The following ADGRL3 variants were observed in gnomAD, a reference collection of about 807,000 sequenced individuals.
The protein encoded by ADGRL3 is adhesion G protein-coupled receptor L3, also known as calcium-independent alpha-latrotoxin receptor 3.
ADGRL3 carries 62 observed loss-of-function variants against 153.5 expected under a neutral mutation model. The observed-to-expected ratio is 0.40, with a 90% CI of 0.33 to 0.50. The LOEUF is 0.50. Ranked by LOEUF, ADGRL3 falls within the 20% of genes least tolerant of loss-of-function variation. The pLI is 0.47. For synonymous variants in ADGRL3, 710 were observed against 672.5 expected, an observed-to-expected ratio of 1.06 and a Z score of -0.86; for missense variants, 1,641 against 1,859.4, an observed-to-expected ratio of 0.88 and a Z score of 2.16.
rs1009323853 is a variant in ADGRL3, at chr4:61,856,253, G to A, written c.1481-36403G>A. On this transcript the variant is annotated intron_variant, in intron 9 of 26. Transcript: ENST00000683033. ...AAATTTCAAGGAACTGTTTATGTCT[G>A]TGAATTTTTCTTTATTTCTTTCTTT... Among the ~76,000 whole-genome samples, 7 of 151,904 alleles carry A rather than the reference G, an allele frequency of 4.6e-5. No homozygotes were observed. In the East Asian group the frequency reaches 1.4e-3, roughly 29 times the overall value.
At chr4:61,635,511 C>A (rs1159535481) in intron 5 of ADGRL3, among the ~76,000 whole-genome samples, 1 of 152,104 alleles carries the variant, frequency 6.6e-6, no homozygotes, top group Non-Finnish European at 1.5e-5. Flanking sequence ...ACCTCTCATG[C>A]ATCCGAGGAC....
At chr4:61,215,615 G>T (rs186685476) in intron 1 of ADGRL3, among the ~76,000 whole-genome samples, 2 of 128,456 alleles carry the variant, frequency 1.6e-5, no homozygotes, top group Non-Finnish European at 3.1e-5. Flanking sequence ...GCAGTGGCCC[G>T]ATCTCGGCTC....
At chr4:61,538,469 C>T (rs2098670556) in intron 4 of ADGRL3, among the ~76,000 whole-genome samples, 1 of 151,924 alleles carries the variant, frequency 6.6e-6, no homozygotes, top group South Asian at 2.1e-4. Context: ...GATGGAGTTT[C>T]GATCTTGTTG....
intron 8 of ADGRL3, among the ~76,000 whole-genome samples, chr4:61,739,960 A>G (rs1001947299): frequency 6.6e-6 from 1 of 152,236 alleles, no homozygotes; most frequent in African/African-American, 2.4e-5. Context: ...CTTCAACTTG[A>G]AGAAAATGGA....
chr4:61,423,033 C>G (rs112487250), intron 2 of ADGRL3, among the ~76,000 whole-genome samples: 29 of 152,086 alleles, frequency 1.9e-4, no homozygotes, highest in African/African-American at 6.5e-4. Flanking sequence ...CCTAAGTGAG[C>G]CTGTAGTATG....
chr4:61,673,314 A>G (rs755063468), intron 5 of ADGRL3, among the ~76,000 whole-genome samples: 13 of 151,918 alleles, frequency 8.6e-5, no homozygotes, highest in Non-Finnish European at 4.4e-5. Context: ...TTTACAACAC[A>G]GTAAAAGATA....
chr4:61,602,874 A>T (rs2099017446), intron 5 of ADGRL3, among the ~76,000 whole-genome samples: 1 of 152,216 alleles, frequency 6.6e-6, no homozygotes, highest in African/African-American at 2.4e-5. Context: ...TTCTCAAAGT[A>T]AACTCAGGAG....
chr4:61,634,804 G>T (rs1212324202), intron 5 of ADGRL3, among the ~76,000 whole-genome samples: 1 of 152,086 alleles, frequency 6.6e-6, no homozygotes, highest in Non-Finnish European at 1.5e-5. Context: ...AAGGTCCAAA[G>T]AGAAAGTAAC....
chr4:61,516,768 GA>G (rs759580665), intron 3 of ADGRL3, among the ~76,000 whole-genome samples: 2 of 151,956 alleles, frequency 1.3e-5, no homozygotes, highest in African/African-American at 2.4e-5. Flanking sequence ...TAAATGACCT[GA>G]AAACATACAA....
intron 9 of ADGRL3, among the ~76,000 whole-genome samples, chr4:61,847,613 A>ATATATAATATAAAATATAT (rs1561350389): frequency 1.5e-4 from 7 of 46,490 alleles, no homozygotes; most frequent in African/African-American, 3.2e-4. Context: ...ATAATATATT[A>ATATATAATATAAAATATAT]TATATATAAT....
chr4:61,911,598 A>G (rs1560364232), intron 12 of ADGRL3, among the ~76,000 whole-genome samples: 1 of 152,118 alleles, frequency 6.6e-6, no homozygotes, highest in East Asian at 1.9e-4. Context: ...CGTGCTCTGT[A>G]TTGAAATTCT....
chr4:61,920,250 T>C (rs537269793), intron 13 of ADGRL3, among the ~76,000 whole-genome samples: 41 of 152,332 alleles, frequency 2.7e-4, no homozygotes, highest in African/African-American at 9.9e-4. Flanking sequence ...AGCTTGATGA[T>C]TACATAGCTA....
At chr4:61,989,530 A>G (rs1002528878) in intron 19 of ADGRL3, among the ~76,000 whole-genome samples, 11 of 152,038 alleles carry the variant, frequency 7.2e-5, no homozygotes, top group African/African-American at 2.7e-4. Context: ...GGCCAAGAAC[A>G]TTTTATGTGT....
At chr4:61,457,503 A>G (rs964224057) in intron 2 of ADGRL3, among the ~76,000 whole-genome samples, 2 of 151,952 alleles carry the variant, frequency 1.3e-5, no homozygotes, top group Non-Finnish European at 2.9e-5. Flanking sequence ...TATGTTCTGC[A>G]GCAGCTTGGT....
At chr4:62,042,938 A>G (rs936647644) in intron 24 of ADGRL3, among the ~76,000 whole-genome samples, 4 of 152,078 alleles carry the variant, frequency 2.6e-5, no homozygotes, top group Non-Finnish European at 5.9e-5. Flanking sequence ...TTTCAATAGC[A>G]CATTTTAGTT....
chr4:61,334,420 C>G (rs892287455), intron 1 of ADGRL3, among the ~76,000 whole-genome samples: 3 of 152,024 alleles, frequency 2.0e-5, no homozygotes, highest in Non-Finnish European at 2.9e-5. Flanking sequence ...TTACTTTCAA[C>G]AAAGTTTAAA....
intron 1 of ADGRL3, among the ~76,000 whole-genome samples, chr4:61,243,838 A>C (rs78062409): frequency 0.066 from 10,061 of 152,022 alleles, 476 homozygotes; most frequent in Non-Finnish European, 0.097. Context: ...ATCATAAAAT[A>C]AGTTAAAGGA....
chr4:61,481,653 A>G (rs1337061448), intron 2 of ADGRL3, among the ~76,000 whole-genome samples: 10 of 152,144 alleles, frequency 6.6e-5, no homozygotes. Flanking sequence ...AGTTTGAAAG[A>G]TAGTATATCC....
chr4:61,407,317 G>A (rs1054991957), intron 2 of ADGRL3, among the ~76,000 whole-genome samples: 1 of 152,056 alleles, frequency 6.6e-6, no homozygotes, highest in Admixed American at 6.6e-5. Context: ...AAGTAGATAG[G>A]TCATTAGTCT....
Sources: gnomAD v4.1 joint callset for allele counts (sites outside exome capture counted in the v4.1 genomes callset) on GRCh38, gnomAD v4.1.1 for gene constraint, MANE v1.5 for transcripts, NCBI Gene and HGNC (gene_info 2026-07-23, HGNC 2026-07-21) for gene names.